The following SIPA1L3 variants were observed in gnomAD, a reference collection of about 807,000 sequenced individuals.
SIPA1L3 encodes signal induced proliferation associated 1 like 3.
Under a neutral mutation model 150.1 loss-of-function variants are expected in SIPA1L3, and 59 were observed. The observed-to-expected ratio is 0.39, with a 90% CI of 0.32 to 0.49. The LOEUF (loss-of-function observed/expected upper bound fraction) is 0.49. Among genes scored for constraint, SIPA1L3 ranks in the 20% least tolerant of loss-of-function variants. The probability of loss-of-function intolerance (pLI) is 0.86; values close to 1 mark genes in which losing one functional copy is unlikely to be tolerated. For synonymous variants in SIPA1L3, 1,070 were observed against 1,077.6 expected (o/e 0.99, Z 0.14); for missense variants, 2,211 against 2,489.5 (o/e 0.89, Z 2.38).
At chr19:37,984,093 A>G (rs994373926) in intron 1 of SIPA1L3, among the ~76,000 whole-genome samples, 5 of 152,114 alleles carry the variant, frequency 3.3e-5, no homozygotes, top group African/African-American at 9.7e-5. Context: ...GAGAACAATG[A>G]GGCACTTTTT....
Position 38,199,606 on chromosome 19 carries a change from G to A in SIPA1L3, c.4984+1074G>A, listed in dbSNP as rs377322459. On this transcript the variant is annotated intron_variant, in intron 19 of 21. Transcript: ENST00000222345. ...TAATAGATGAAACACAGAAGGTTAC[G>A]GGGGAGAGGGGGGAGTAGCAGAAAG... Among the ~76,000 whole-genome samples, 84 of 152,108 alleles carry A rather than the reference G, an allele frequency of 5.5e-4. 1 individual carries two copies. In the East Asian group the frequency reaches 7.8e-3, roughly 14 times the overall value.
intron 4 of SIPA1L3, among the ~76,000 whole-genome samples, chr19:38,092,883 G>C (rs150273152): frequency 7.0e-6 from 1 of 143,244 alleles, no homozygotes; most frequent in African/African-American, 2.6e-5. Context: ...TTCCCGAGAC[G>C]GAGTCTAGCT....
intron 16 of SIPA1L3, among the ~76,000 whole-genome samples, chr19:38,187,609 C>T (rs977242425): frequency 7.8e-5 from 11 of 140,348 alleles, no homozygotes; most frequent in Non-Finnish European, 9.1e-5. Flanking sequence ...CCCAGCTACT[C>T]GGGAGGCTGA....
At chr19:38,023,301 T>A (rs1193006552) in intron 1 of SIPA1L3, among the ~76,000 whole-genome samples, 1 of 152,152 alleles carries the variant, frequency 6.6e-6, no homozygotes, top group Non-Finnish European at 1.5e-5. Context: ...ACCCTCAAAG[T>A]CAGTGACCCA....
At chr19:38,033,670 C>CGT (rs1261980255) in intron 2 of SIPA1L3, among the ~76,000 whole-genome samples, 34 of 14,168 alleles carry the variant, frequency 2.4e-3, no homozygotes, top group Admixed American at 4.1e-3. Flanking sequence ...GAGAGAGATA[C>CGT]GTATGTGTGT....
intron 1 of SIPA1L3, among the ~76,000 whole-genome samples, chr19:38,020,971 T>C (rs1220924763): frequency 1.3e-5 from 2 of 151,994 alleles, no homozygotes; most frequent in African/African-American, 4.8e-5. Context: ...CAGCTAATTT[T>C]TGTATTTTTA....
chr19:38,155,976 G>A (rs541376797), intron 13 of SIPA1L3, among the ~76,000 whole-genome samples: 1 of 151,854 alleles, frequency 6.6e-6, no homozygotes, highest in Admixed American at 6.5e-5. Flanking sequence ...AGCTACTCAG[G>A]AGGCTGAGGC....
At chr19:38,153,333 C>T (rs1040258772) in intron 13 of SIPA1L3, among the ~76,000 whole-genome samples, 1 of 152,166 alleles carries the variant, frequency 6.6e-6, no homozygotes, top group Non-Finnish European at 1.5e-5. Flanking sequence ...TACATAAACC[C>T]TCCTGTGTTG....
chr19:38,124,363 G>T (rs181273893), intron 9 of SIPA1L3, among the ~76,000 whole-genome samples: 2 of 150,454 alleles, frequency 1.3e-5, no homozygotes, highest in Admixed American at 6.6e-5. Context: ...CATCCCAGAC[G>T]GGGTGGCGGG....
chr19:38,011,634 G>C (rs950886946), intron 1 of SIPA1L3, among the ~76,000 whole-genome samples: 1 of 152,218 alleles, frequency 6.6e-6, no homozygotes, highest in Admixed American at 6.5e-5. Flanking sequence ...GGGCAAGCAT[G>C]AAATTGGAAG....
intron 1 of SIPA1L3, among the ~76,000 whole-genome samples, chr19:37,929,197 G>T (rs1022283088): frequency 6.6e-6 from 1 of 152,216 alleles, no homozygotes; most frequent in African/African-American, 2.4e-5. Context: ...TGGGGCTGGG[G>T]CTGGGGCTGG....
At chr19:38,159,814 G>A (rs1340786070) in intron 13 of SIPA1L3, among the ~76,000 whole-genome samples, 1 of 152,126 alleles carries the variant, frequency 6.6e-6, no homozygotes, top group African/African-American at 2.4e-5. Context: ...TTACCATAGC[G>A]CCTGACACAG....
intron 2 of SIPA1L3, among the ~76,000 whole-genome samples, chr19:38,035,542 G>A (rs528025646): frequency 6.6e-6 from 1 of 152,252 alleles, no homozygotes; most frequent in East Asian, 1.9e-4. Flanking sequence ...ACAGCTTTCC[G>A]GAATCCAGCT....
chr19:38,166,985 A>C (rs1972225001), intron 15 of SIPA1L3, among the ~76,000 whole-genome samples: 1 of 152,124 alleles, frequency 6.6e-6, no homozygotes, highest in Non-Finnish European at 1.5e-5. Context: ...CTGTAATCCC[A>C]GCACTTTGGG....
intron 9 of SIPA1L3, among the ~76,000 whole-genome samples, chr19:38,126,646 C>T (rs552150211): frequency 1.3e-5 from 2 of 152,000 alleles, no homozygotes; most frequent in East Asian, 3.9e-4. Context: ...AAGCGATTCT[C>T]CTGCCTCAGC....
intron 18 of SIPA1L3, among the ~76,000 whole-genome samples, chr19:38,196,747 C>T (rs1219129635): frequency 4.7e-5 from 7 of 149,978 alleles, no homozygotes; most frequent in South Asian, 4.4e-4. Context: ...GCATGGAGGC[C>T]GAGGGGGGAG....
At position 38,124,995 on chromosome 19, in the gene SIPA1L3, A is replaced by AGAGAGGGAGAGGGAAACCATGGGGAGAGG. The variant is rs1971138889; in HGVS notation, c.2868+5127_2868+5128insAACCATGGGGAGAGGGAGAGGGAGAGGGA. On this transcript the variant is annotated intron_variant, in intron 9 of 21. Coordinates refer to ENST00000222345, the MANE Select transcript of SIPA1L3 (RefSeq NM_015073.3). ...TCGGGATCAGAGGGAGACTGTGGAA[A>AGAGAGGGAGAGGGAAACCATGGGGAGAGG]GAGAGGGAGAGGGAGACCGTGGGGA... Among the ~76,000 whole-genome samples, 7 of 103,118 alleles carry AGAGAGGGAGAGGGAAACCATGGGGAGAGG rather than the reference A, an allele frequency of 6.8e-5. No individual in the cohort carries two copies. The South Asian group carries it at 2.4e-3, about 35-fold the overall frequency. 67.6% of individuals were successfully genotyped at this position (103,118 alleles called of 152,430 possible). A position where few individuals can be genotyped will look rare whatever the true frequency, so the allele number is the denominator to read the frequency against.
chr19:38,192,665 A>G (rs2278429), intron 17 of SIPA1L3, among the ~76,000 whole-genome samples: 56,527 of 152,002 alleles, frequency 0.37, 12,318 homozygotes, highest in Middle Eastern at 0.57. Flanking sequence ...AGGGGCTCCC[A>G]GAGGAAGTTC....
chr19:38,065,649 C>T (rs890640169), intron 2 of SIPA1L3, among the ~76,000 whole-genome samples: 2 of 151,748 alleles, frequency 1.3e-5, no homozygotes, highest in East Asian at 1.9e-4. Flanking sequence ...CTCGAACTCC[C>T]GACCTCAGGT....
Sources: allele counts gnomAD v4.1 joint callset (sites outside exome capture counted in the v4.1 genomes callset), GRCh38; gene constraint gnomAD v4.1.1; transcripts MANE v1.5; gene names NCBI Gene and HGNC (gene_info 2026-07-23, HGNC 2026-07-21).